Variants in GNAQ observed in about 807,000 individuals in gnomAD.
GNAQ encodes the protein guanine nucleotide-binding protein G(q) subunit alpha.
A neutral mutation model predicts 43.9 loss-of-function variants in GNAQ; 8 were observed. The observed-to-expected ratio is 0.18, with a 90% confidence interval of 0.11 to 0.33. GNAQ has a LOEUF of 0.33. Ranked by LOEUF, GNAQ falls within the 10% of genes least tolerant of loss-of-function variation. GNAQ has a pLI of 1.00. For synonymous variants in GNAQ, 155 were observed against 170.7 expected, an observed-to-expected ratio of 0.91 and a Z score of 0.71; for missense variants, 158 against 450.8, an observed-to-expected ratio of 0.35 and a Z score of 5.88.
chr9:77,985,949 CA>C (rs1166023690), intron 1 of GNAQ, among the ~76,000 whole-genome samples: 3 of 152,144 alleles, frequency 2.0e-5, no homozygotes, highest in Admixed American at 6.6e-5. Flanking sequence ...CTTCTTGACA[CA>C]AAGACTTTTT....
chr9:78,025,319 T>C (rs904630317), intron 1 of GNAQ, among the ~76,000 whole-genome samples: 4 of 152,216 alleles, frequency 2.6e-5, no homozygotes, highest in Non-Finnish European at 5.9e-5. Context: ...GTAACAGCTA[T>C]TCACACAAAA....
In GNAQ at chr9:77,716,501, A is replaced by C. The variant is rs1471777945; in HGVS notation, c.*4822T>G. On this transcript the variant is annotated 3_prime_UTR_variant, in exon 7 of 7. Coordinates refer to ENST00000286548, the MANE Select transcript of GNAQ (RefSeq NM_002072.5). ...TCTAGTAAGGGTTTCCAACAGGATG[A>C]TGGGTGAGGAATCCAGCAAGGAGTT... The C allele has an allele frequency of 4.3e-6, 1 of 232,866 alleles. No individual in the cohort carries two copies. The highest frequency in any genetic ancestry group is 8.5e-6 in the Non-Finnish European group (1 of 117,834). 14.4% of individuals were successfully genotyped at this position (232,866 alleles called of 1,614,324 possible).
chr9:77,989,535 C>A (rs1368179098), intron 1 of GNAQ, among the ~76,000 whole-genome samples: 1 of 152,170 alleles, frequency 6.6e-6, no homozygotes, highest in East Asian at 1.9e-4. Flanking sequence ...TCCTTGCTCC[C>A]AAGAAGAAAA....
chr9:77,984,223 G>A (rs1007830865), intron 1 of GNAQ, among the ~76,000 whole-genome samples: 3 of 150,582 alleles, frequency 2.0e-5, no homozygotes, highest in Non-Finnish European at 4.4e-5. Flanking sequence ...AGGCTGGAGT[G>A]CAGTGGCATG....
At chr9:77,883,002 C>G (rs955970811) in intron 2 of GNAQ, among the ~76,000 whole-genome samples, 1 of 152,122 alleles carries the variant, frequency 6.6e-6, no homozygotes, top group Non-Finnish European at 1.5e-5. Context: ...AGAAAAAAAG[C>G]AAATTCTTAA....
At chr9:77,879,125 G>A (rs987067356) in intron 2 of GNAQ, among the ~76,000 whole-genome samples, 5 of 151,902 alleles carry the variant, frequency 3.3e-5, no homozygotes, top group African/African-American at 9.7e-5. Context: ...AAGTAAAAAC[G>A]AACTAAGAGC....
chr9:77,780,560 C>G (rs1004585816), intron 5 of GNAQ, among the ~76,000 whole-genome samples: 1 of 151,718 alleles, frequency 6.6e-6, no homozygotes, highest in Non-Finnish European at 1.5e-5. Context: ...GTGAACAGTG[C>G]TGCAGTCAAC....
At chr9:77,735,144 C>G (rs1042047815) in intron 5 of GNAQ, among the ~76,000 whole-genome samples, 1 of 152,122 alleles carries the variant, frequency 6.6e-6, no homozygotes, top group African/African-American at 2.4e-5. Flanking sequence ...TCATACAAGA[C>G]CGTTTTAAAT....
At chr9:77,762,283 G>C (rs1202739687) in intron 5 of GNAQ, among the ~76,000 whole-genome samples, 1 of 117,056 alleles carries the variant, frequency 8.5e-6, no homozygotes, top group East Asian at 2.7e-4. Flanking sequence ...CAGCCGCCCC[G>C]TCCGGGAGGG....
chr9:77,729,532 G>C (rs1012521174), intron 5 of GNAQ, among the ~76,000 whole-genome samples: 3 of 151,852 alleles, frequency 2.0e-5, no homozygotes, highest in Non-Finnish European at 4.4e-5. Flanking sequence ...CCAAAAACTA[G>C]AGGGCCTCAG....
intron 1 of GNAQ, among the ~76,000 whole-genome samples, chr9:77,927,619 C>T (rs527708737): frequency 1.3e-5 from 2 of 152,092 alleles, no homozygotes; most frequent in South Asian, 2.1e-4. Flanking sequence ...CTTACCAGGG[C>T]CTCTCACAGA....
chr9:77,876,889 A>G (rs1185790708), intron 2 of GNAQ, among the ~76,000 whole-genome samples: 1 of 152,222 alleles, frequency 6.6e-6, no homozygotes, highest in Non-Finnish European at 1.5e-5. Context: ...GACTTTCTTT[A>G]TCTCTTAGCC....
intron 5 of GNAQ, among the ~76,000 whole-genome samples, chr9:77,776,083 G>T (rs974589010): frequency 1.3e-5 from 2 of 152,098 alleles, no homozygotes; most frequent in Admixed American, 1.3e-4. Flanking sequence ...TTAACCACAG[G>T]CTTGCAACAA....
chr9:77,833,140 T>C (rs1191230778), intron 2 of GNAQ, among the ~76,000 whole-genome samples: 2 of 152,084 alleles, frequency 1.3e-5, no homozygotes, highest in Non-Finnish European at 2.9e-5. Flanking sequence ...CTAATTTTTG[T>C]ATTTTTTTGT....
At chr9:77,827,804 A>G (rs909388448) in intron 2 of GNAQ, among the ~76,000 whole-genome samples, 9 of 152,114 alleles carry the variant, frequency 5.9e-5, no homozygotes, top group Non-Finnish European at 7.4e-5. Flanking sequence ...TTTTTATTAA[A>G]CCAATCTCTT....
At position 77,728,536 on chromosome 9, in the gene GNAQ, G is replaced by C; in HGVS notation, c.867C>G (p.Val289=). The C allele has an allele frequency of 6.2e-7, 1 of 1,603,372 alleles. No individual in the cohort carries two copies. Among genetic ancestry groups the C allele is most frequent in the Non-Finnish European group, 8.5e-7 (1 of 1,171,494 alleles). ...TACCATCATATTCTGGGAAGTAGTCGACTAGATGGGAATACATGATTTTCT... is the reference window on the plus strand; with the variant it reads ...TACCATCATATTCTGGGAAGTAGTCCACTAGATGGGAATACATGATTTTCT... The part of the protein sequence containing the change: ...LEEKIMYSHL[V]DYFPEYDGPQ... Residue 289 remains valine, a synonymous_variant, in exon 6 of 7, where the codon GTC becomes GTG. Transcript: ENST00000286548.
chr9:77,838,687 G>C (rs933497539), intron 2 of GNAQ, among the ~76,000 whole-genome samples: 1 of 151,948 alleles, frequency 6.6e-6, no homozygotes, highest in Non-Finnish European at 1.5e-5. Context: ...CAAAGTGCTG[G>C]GATTACAGGG....
chr9:77,919,079 C>T (rs2118261619), intron 2 of GNAQ, among the ~76,000 whole-genome samples: 1 of 152,254 alleles, frequency 6.6e-6, no homozygotes, highest in Non-Finnish European at 1.5e-5. Flanking sequence ...GCCACCACGC[C>T]TGGCTAATTT....
chr9:77,729,140 T>C lies in GNAQ; in HGVS notation c.736-473A>G, dbSNP rs184149542. ...AACAGTTACTTCTTTGTCAAAAGCA[T>C]ATCTATATTTCTAGATGTTTTCTAG... On this transcript the variant is annotated intron_variant, in intron 5 of 6. Coordinates refer to ENST00000286548, the MANE Select transcript of GNAQ (RefSeq NM_002072.5). Among the ~76,000 whole-genome samples, 16 of 152,354 alleles carry C rather than the reference T, an allele frequency of 1.1e-4. No homozygotes were observed. In the East Asian group the frequency reaches 2.9e-3, roughly 28 times the overall value.
Sources: gnomAD v4.1 joint callset for allele counts (sites outside exome capture counted in the v4.1 genomes callset) on GRCh38, gnomAD v4.1.1 for gene constraint, MANE v1.5 for transcripts, NCBI Gene and HGNC (gene_info 2026-07-23, HGNC 2026-07-21) for gene names.